The following PLEKHM2 variants were observed in gnomAD, a reference collection of about 807,000 sequenced individuals.
PLEKHM2 encodes the protein pleckstrin homology domain-containing family M member 2.
Under a neutral mutation model 116.3 loss-of-function variants are expected in PLEKHM2, and 77 were observed. The observed-to-expected ratio is 0.66, with a 90% CI of 0.55 to 0.80. PLEKHM2 has a LOEUF of 0.80. Among genes scored for constraint, PLEKHM2 ranks in the 30% least tolerant of loss-of-function variants. PLEKHM2 has a pLI of 0.00. For missense variants in PLEKHM2, 1,183 were observed against 1,354.9 expected, an observed-to-expected ratio of 0.87 and a Z score of 1.99; for synonymous variants, 562 against 571.0, an observed-to-expected ratio of 0.98 and a Z score of 0.22.
intron 1 of PLEKHM2, among the ~76,000 whole-genome samples, chr1:15,688,028 G>T (rs749987526): frequency 2.0e-5 from 3 of 152,148 alleles, no homozygotes; most frequent in Non-Finnish European, 2.9e-5. Flanking sequence ...GGTCCTGAGC[G>T]GACAGCTTAA....
At chr1:15,698,196 A>G (rs1482541233) in intron 1 of PLEKHM2, among the ~76,000 whole-genome samples, 1 of 151,626 alleles carries the variant, frequency 6.6e-6, no homozygotes, top group African/African-American at 2.4e-5. Flanking sequence ...TTTCTTTTTA[A>G]TATTATTTTT....
chr1:15,703,315 A>G (rs2148343597), intron 1 of PLEKHM2, among the ~76,000 whole-genome samples: 1 of 151,948 alleles, frequency 6.6e-6, no homozygotes, highest in African/African-American at 2.4e-5. Context: ...GCAGTTAAAC[A>G]GGCACGCTTA....
intron 1 of PLEKHM2, among the ~76,000 whole-genome samples, chr1:15,695,595 T>C (rs535361297): frequency 5.9e-5 from 9 of 152,078 alleles, no homozygotes; most frequent in Non-Finnish European, 1.2e-4. Flanking sequence ...CAGTGCAACC[T>C]CTGCCTCCCA....
chr1:15,682,632 AC>A (rs1379664715), upstream of PLEKHM2, among the ~76,000 whole-genome samples: 13,199 of 125,824 alleles, frequency 0.1, 921 homozygotes, highest in African/African-American at 0.22. Flanking sequence ...AACAAACAAA[AC>A]AAAACAAAAC....
At chr1:15,718,467 T>G in intron 4 of PLEKHM2, 71 bp from the exon 5 acceptor site, 2 of 867,874 alleles carry the variant, frequency 2.3e-6, no homozygotes, top group Non-Finnish European at 3.8e-6. Context: ...ACACAGCTGG[T>G]ATGTTGGTAA....
chr1:15,713,629 T>G (rs1641379178), intron 1 of PLEKHM2, among the ~76,000 whole-genome samples: 2 of 145,198 alleles, frequency 1.4e-5, no homozygotes, highest in Non-Finnish European at 1.5e-5. Flanking sequence ...TTTGTTTGTT[T>G]GTTTGTTTTT....
chr1:15,710,846 G>A (rs1413607188), intron 1 of PLEKHM2, among the ~76,000 whole-genome samples: 4 of 152,232 alleles, frequency 2.6e-5, no homozygotes, highest in Admixed American at 6.5e-5. Flanking sequence ...GCTGAGGTGA[G>A]AGGATTAGGA....
chr1:15,685,823 A>G (rs780845035), intron 1 of PLEKHM2, among the ~76,000 whole-genome samples: 3 of 152,214 alleles, frequency 2.0e-5, no homozygotes, highest in Non-Finnish European at 4.4e-5. Context: ...CTAAAGTAAC[A>G]TTGCAGAGAT....
chr1:15,703,182 G>A (rs1164136544), intron 1 of PLEKHM2, among the ~76,000 whole-genome samples: 1 of 152,212 alleles, frequency 6.6e-6, no homozygotes, highest in Non-Finnish European at 1.5e-5. Context: ...GGGCATCACA[G>A]GAGAGTCGAA....
upstream of PLEKHM2, among the ~76,000 whole-genome samples, chr1:15,682,269 C>T (rs185396393): frequency 1.3e-3 from 203 of 151,466 alleles, 6 homozygotes; most frequent in Admixed American, 0.011. Context: ...GCCAACATGG[C>T]GAAACCCCGT....
chr1:15,707,291 G>C (rs1262009036), intron 1 of PLEKHM2, among the ~76,000 whole-genome samples: 1 of 151,244 alleles, frequency 6.6e-6, no homozygotes, highest in East Asian at 1.9e-4. Context: ...AAATTAGCCA[G>C]GTGTGGTGGT....
upstream of PLEKHM2, among the ~76,000 whole-genome samples, chr1:15,683,905 C>G (rs1184293372): frequency 8.1e-6 from 1 of 123,770 alleles, no homozygotes; most frequent in Admixed American, 8.3e-5. Context: ...CTGAGGGAAT[C>G]TGTGGGCTGA....
chr1:15,733,723 C>T (rs1314800970), intron 19 of PLEKHM2, 74 bp from the exon 20 acceptor site: 3 of 1,521,064 alleles, frequency 2.0e-6, no homozygotes, highest in South Asian at 1.2e-5. Flanking sequence ...AGAGGCAGGC[C>T]TGGTGCCCAC....
At chr1:15,726,624 C>T (rs1025992137) in intron 8 of PLEKHM2, among the ~76,000 whole-genome samples, 9 of 152,204 alleles carry the variant, frequency 5.9e-5, no homozygotes, top group Admixed American at 4.6e-4. Context: ...GAAGTGAGGT[C>T]AGCTCGGGAT....
chr1:15,724,522 C>G (rs917428804), intron 7 of PLEKHM2, among the ~76,000 whole-genome samples: 8 of 152,086 alleles, frequency 5.3e-5, no homozygotes, highest in Non-Finnish European at 1.2e-4. Context: ...CTCAGCACCA[C>G]CCTTGCAGGG....
At chr1:15,686,806 G>A (rs1002915706) in intron 1 of PLEKHM2, among the ~76,000 whole-genome samples, 6 of 151,834 alleles carry the variant, frequency 4.0e-5, no homozygotes, top group African/African-American at 7.3e-5. Context: ...CGGCCACCAC[G>A]CCCGGCTAAT....
Position 15,728,005 on chromosome 1 carries a change from G to C in PLEKHM2, c.1761-74G>C. ...GTGGGAGGCGGAGGCACTACCCCCT[G>C]GCTCTGGGGTGGGGTGTGGCCTCTC... is the stretch of plus-strand genomic sequence containing the variant. On this transcript the variant is annotated intron_variant, in intron 9 of 19. Coordinates refer to ENST00000375799, the MANE Select transcript of PLEKHM2 (RefSeq NM_015164.4). The surrounding 1 kb of genome is among the most constrained non-coding windows in gnomAD (Gnocchi z 5.9). 6 of 1,317,586 alleles carry C rather than the reference G, an allele frequency of 4.6e-6. No homozygotes were observed. The highest frequency in any genetic ancestry group is 1.2e-5 in the South Asian group (1 of 80,256). 81.6% of individuals were successfully genotyped at this position (1,317,586 alleles called of 1,614,324 possible). A position where few individuals can be genotyped will look rare whatever the true frequency, so the allele number is the denominator to read the frequency against.
intron 16 of PLEKHM2, 46 bp from the exon 17 acceptor site, chr1:15,731,843 T>C: frequency 6.4e-7 from 1 of 1,561,762 alleles, no homozygotes; most frequent in Non-Finnish European, 8.7e-7. Context: ...CGCCCCGTGC[T>C]GCCCTTGCCT....
Position 15,729,261 on chromosome 1 carries a change from G to A in PLEKHM2, c.2075+71G>A. The A allele has an allele frequency of 7.6e-7, 1 of 1,314,200 alleles. No individual in the cohort carries two copies. The highest frequency in any genetic ancestry group is 1.1e-6 in the Non-Finnish European group (1 of 927,706). The allele number at this position is 1,314,200 out of a possible 1,614,324, so 81.4% of individuals were successfully genotyped here. ...CCGCCCATAGGTGTGGGTGGCCTGG[G>A]GGTCAGGGGTGGAGGTGGAAAGTGG... On this transcript the variant is annotated intron_variant, in intron 13 of 19. Transcript: ENST00000375799. The surrounding 1 kb of genome is among the most constrained non-coding windows in gnomAD (Gnocchi z 4.7).
Sources: allele counts gnomAD v4.1 joint callset (sites outside exome capture counted in the v4.1 genomes callset), GRCh38; gene constraint gnomAD v4.1.1; non-coding constraint Gnocchi (gnomAD v3.1); transcripts MANE v1.5; gene names NCBI Gene and HGNC (gene_info 2026-07-23, HGNC 2026-07-21).